The following COG7 variants were observed in gnomAD, a reference collection of about 807,000 sequenced individuals.
COG7 encodes component of oligomeric golgi complex 7, also known as conserved oligomeric Golgi complex subunit 7.
Under a neutral mutation model 91.5 loss-of-function variants are expected in COG7, and 49 were observed. The observed-to-expected ratio is 0.54, with a 90% CI of 0.43 to 0.68. COG7 has a LOEUF of 0.68. Among genes scored for constraint, COG7 ranks in the 30% least tolerant of loss-of-function variants. The pLI is 0.00. For synonymous variants in COG7, 365 were observed against 388.7 expected (o/e 0.94, Z 0.72); for missense variants, 895 against 961.3 (o/e 0.93, Z 0.91).
chr16:23,414,742 A>C (rs977431601), intron 9 of COG7: 3 of 152,250 alleles, frequency 2.0e-5, no homozygotes, highest in Admixed American at 2.0e-4. Context: ...AGAGCTGGAC[A>C]TAAAGGAGGG....
chr16:23,416,891 C>T (rs1963664155), intron 9 of COG7, 76 bp downstream of exon 9: 1 of 1,560,390 alleles, frequency 6.4e-7, no homozygotes, highest in African/African-American at 1.4e-5. Context: ...AGAACAAATA[C>T]AGAACACGTG....
intron 12 of COG7, among the ~76,000 whole-genome samples, chr16:23,404,510 G>C (rs868689910): frequency 5.3e-4 from 80 of 152,258 alleles, no homozygotes; most frequent in Middle Eastern, 3.2e-3. Context: ...AATGCAACCA[G>C]TTGGTGGGTC....
At chr16:23,423,836 A>T (rs1457347978) in intron 7 of COG7, among the ~76,000 whole-genome samples, 1 of 152,216 alleles carries the variant, frequency 6.6e-6, no homozygotes, top group Admixed American at 6.5e-5. Context: ...AGCTTTTAAC[A>T]TAGACGGGAA....
intron 4 of COG7, among the ~76,000 whole-genome samples, chr16:23,438,316 T>C (rs995942906): frequency 4.6e-5 from 7 of 152,142 alleles, no homozygotes; most frequent in Non-Finnish European, 1.0e-4. Context: ...CTCAGGACTT[T>C]GAGAGGCTGA....
chr16:23,403,616 A>C (rs1963412517), intron 13 of COG7, 78 bp downstream of exon 13: 4 of 1,562,112 alleles, frequency 2.6e-6, no homozygotes, highest in Admixed American at 1.7e-5. Flanking sequence ...TGGAACAGGG[A>C]GGGTTAAGCC....
chr16:23,450,037 C>T (rs771262002), intron 1 of COG7, among the ~76,000 whole-genome samples: 1 of 151,872 alleles, frequency 6.6e-6, no homozygotes, highest in Non-Finnish European at 1.5e-5. Flanking sequence ...TGGGTTCAAG[C>T]GATTCTCCTG....
chr16:23,446,487 T>C (rs1964184803), intron 1 of COG7: 1 of 156,804 alleles, frequency 6.4e-6, no homozygotes, highest in East Asian at 1.9e-4. Context: ...AGTTTCGCTC[T>C]GTCACCCAGG....
At chr16:23,403,606 TG>T in intron 13 of COG7, 87 bp downstream of exon 13, 2 of 1,542,948 alleles carry the variant, frequency 1.3e-6, no homozygotes, top group Non-Finnish European at 1.8e-6. Flanking sequence ...CCAAAGCTCT[TG>T]GAACAGGGAG....
chr16:23,404,588 G>C (rs1191865363), intron 12 of COG7, among the ~76,000 whole-genome samples: 2 of 152,202 alleles, frequency 1.3e-5, no homozygotes, highest in Admixed American at 6.5e-5. Context: ...CAGGCCCCCT[G>C]TGCAGTTCAT....
In COG7 at chr16:23,444,460, G is replaced by A. The variant is rs1026993468; in HGVS notation, c.435+588C>T. On this transcript the variant is annotated intron_variant, in intron 3 of 16. Transcript: ENST00000307149. The stretch of plus-strand genomic sequence containing the variant: ...CCCTTTCCCCATGTTCCACCCTCTC[G>A]TCCATTTACCCCCAACCTTCTCTGC... Among the ~76,000 whole-genome samples, 11 of 149,396 alleles carry A rather than the reference G, an allele frequency of 7.4e-5. No homozygotes were observed. In the East Asian group the frequency reaches 7.9e-4, roughly 11 times the overall value.
intron 13 of COG7, 27 bp from the exon 14 acceptor site, chr16:23,398,156 C>A: frequency 6.3e-7 from 1 of 1,583,304 alleles, no homozygotes; most frequent in South Asian, 1.1e-5. Flanking sequence ...AGGACACAAT[C>A]AGTACCTAGC....
At chr16:23,430,229 G>C (rs1963912771) in intron 6 of COG7, among the ~76,000 whole-genome samples, 1 of 152,038 alleles carries the variant, frequency 6.6e-6, no homozygotes, top group African/African-American at 2.4e-5. Flanking sequence ...AGGAGTTCAA[G>C]ACCAGCTTGG....
intron 4 of COG7, among the ~76,000 whole-genome samples, chr16:23,437,047 T>C (rs2142090040): frequency 6.6e-6 from 1 of 152,204 alleles, no homozygotes. Flanking sequence ...CAAGGGGGCT[T>C]GGGCCAGGCA....
At chr16:23,439,756 G>A (rs1189817911) in intron 4 of COG7, among the ~76,000 whole-genome samples, 1 of 152,162 alleles carries the variant, frequency 6.6e-6, no homozygotes, top group African/African-American at 2.4e-5. Flanking sequence ...GATGAAAAAA[G>A]TTCTGGAGAT....
chr16:23,415,720 C>T (rs1485496737), intron 9 of COG7: 4 of 152,240 alleles, frequency 2.6e-5, no homozygotes, highest in Non-Finnish European at 5.9e-5. Flanking sequence ...TCTTGAACCA[C>T]CGGTTGGCCA....
chr16:23,389,123 G>A (rs1195488605), intron 16 of COG7, 37 bp from the exon 17 acceptor site: 7 of 1,608,804 alleles, frequency 4.4e-6, no homozygotes, highest in African/African-American at 1.3e-5. Context: ...GAGCTCCACA[G>A]ACTCAGCACC....
rs562896319 is a variant in COG7, at chr16:23,438,955, C to T, written c.604+3522G>A. 3.0e-4 allele frequency among the ~76,000 whole-genome samples: 45 copies of T among 151,904 alleles called. 1 individual carries two copies. The highest frequency in any genetic ancestry group is 9.9e-4 in the African/African-American group (41 of 41,446). On this transcript the variant is annotated intron_variant, in intron 4 of 16. Transcript: ENST00000307149. ...GGCGGATCACTTGAGGCCAGGAGTTCGAGACCAGCCTGGCCAACATGGTGA... is the reference window on the plus strand; with the variant it reads ...GGCGGATCACTTGAGGCCAGGAGTTTGAGACCAGCCTGGCCAACATGGTGA...
intron 4 of COG7, among the ~76,000 whole-genome samples, chr16:23,436,520 G>A (rs1333935793): frequency 1.3e-5 from 2 of 151,984 alleles, no homozygotes; most frequent in South Asian, 2.1e-4. Context: ...GATCATCTGG[G>A]GTCAGGAGCT....
chr16:23,423,503 C>T (rs963229685), intron 7 of COG7, among the ~76,000 whole-genome samples: 5 of 152,192 alleles, frequency 3.3e-5, no homozygotes, highest in African/African-American at 4.8e-5. Flanking sequence ...CTTAGCCCAG[C>T]TCTCTCAACT....
Sources: gnomAD v4.1 joint callset for allele counts (sites outside exome capture counted in the v4.1 genomes callset) on GRCh38, gnomAD v4.1.1 for gene constraint, MANE v1.5 for transcripts, NCBI Gene and HGNC (gene_info 2026-07-23, HGNC 2026-07-21) for gene names.